The following PCDHA1 variants were observed in gnomAD, a reference collection of about 807,000 sequenced individuals.
PCDHA1 encodes protocadherin alpha-1.
PCDHA1 carries 42 observed loss-of-function variants against 61.3 expected under a neutral mutation model. The ratio of observed to expected loss-of-function variants is 0.69; its 90% CI spans 0.54 to 0.89. PCDHA1 has a LOEUF of 0.89. Ranked by LOEUF, PCDHA1 falls within the 40% of genes least tolerant of loss-of-function variation. The probability of loss-of-function intolerance (pLI) is 0.00; values close to 1 mark genes in which losing one functional copy is unlikely to be tolerated. For synonymous variants in PCDHA1, 610 were observed against 553.8 expected (o/e 1.10, Z -1.43); for missense variants, 1,256 against 1,235.3 (o/e 1.02, Z -0.25).
At chr5:140,989,928 A>T (rs2097366853) in intron 3 of PCDHA1, among the ~76,000 whole-genome samples, 1 of 152,032 alleles carries the variant, frequency 6.6e-6, no homozygotes, top group African/African-American at 2.4e-5. Context: ...GCAGAGATAG[A>T]TGACATTCCA....
chr5:140,868,974 C>T (rs2050775096), intron 1 of PCDHA1: 4 of 1,471,768 alleles, frequency 2.7e-6, no homozygotes, highest in South Asian at 1.4e-5. Flanking sequence ...GGAACTCCAT[C>T]ATACCGGATG....
chr5:140,871,343 G>A (rs782701070), intron 1 of PCDHA1: 3 of 1,614,194 alleles, frequency 1.9e-6, no homozygotes, highest in East Asian at 2.2e-5. Context: ...GTGGGGAGCT[G>A]GTCATACTCG....
chr5:140,875,989 A>G (rs782628581), intron 1 of PCDHA1: 1 of 1,613,992 alleles, frequency 6.2e-7, no homozygotes, highest in South Asian at 1.1e-5. Flanking sequence ...CTATGCGTTA[A>G]GTCTAAATGA....
chr5:140,980,810 GA>G (rs1410107766), intron 2 of PCDHA1, among the ~76,000 whole-genome samples: 5 of 152,024 alleles, frequency 3.3e-5, no homozygotes, highest in Non-Finnish European at 7.4e-5. Context: ...GTAATACATT[GA>G]ACATATTAAA....
At chr5:140,802,262 A>G (rs782016322) in intron 1 of PCDHA1, 1 of 1,614,236 alleles carries the variant, frequency 6.2e-7, no homozygotes, top group Non-Finnish European at 8.5e-7. Context: ...TTCAATCACT[A>G]TCTTTACCTG....
intron 1 of PCDHA1, among the ~76,000 whole-genome samples, chr5:140,948,767 T>G (rs1266601836): frequency 6.6e-6 from 1 of 151,640 alleles, no homozygotes; most frequent in Non-Finnish European, 1.5e-5. Context: ...TTTTTTCGAA[T>G]AGCCAGCTTT....
At chr5:140,863,176 A>G (rs199525571) in intron 1 of PCDHA1, 25 of 723,868 alleles carry the variant, frequency 3.5e-5, no homozygotes, top group South Asian at 2.0e-4. Flanking sequence ...GCTGACTGCC[A>G]CCGTCACCGT....
At position 140,928,683 on chromosome 5, in the gene PCDHA1, C is replaced by T. The variant is rs868920923; in HGVS notation, c.2395-50266C>T. ...ACAGTGGTTCTAATGCCTGGCTTTC[C>T]TACCACATCTCCCGGGCGTCTGACT... On this transcript the variant is annotated intron_variant, in intron 1 of 3. Transcript: ENST00000504120. 3.7e-6 allele frequency: 6 copies of T among 1,614,172 alleles called. No individual in the cohort carries two copies. In the Middle Eastern group the frequency reaches 6.6e-4, roughly 178 times the overall value.
At chr5:140,937,736 C>T (rs778178538) in intron 1 of PCDHA1, among the ~76,000 whole-genome samples, 84 of 151,896 alleles carry the variant, frequency 5.5e-4, no homozygotes, top group Non-Finnish European at 1.1e-3. Context: ...CACGGTGAAA[C>T]CCCGTCTCTA....
rs147962839 is a variant in PCDHA1 at position 140,828,760 on chromosome 5, A to T, written c.2394+40076A>T. ...CAGATGGGGGCAAACCTGAGCTCAC[A>T]GGCACTGTTCAGCTGCTGGTCACAG... On this transcript the variant is annotated intron_variant, in intron 1 of 3. Coordinates refer to ENST00000504120, the MANE Select transcript of PCDHA1 (RefSeq NM_018900.4). The T allele has an allele frequency of 5.1e-5, 83 of 1,614,194 alleles. No homozygotes were observed. The African/African-American group carries it at 7.9e-4, about 15-fold the overall frequency.
At chr5:140,912,511 T>C (rs2075947919) in intron 1 of PCDHA1, among the ~76,000 whole-genome samples, 1 of 152,158 alleles carries the variant, frequency 6.6e-6, no homozygotes, top group Non-Finnish European at 1.5e-5. Context: ...TGGATGAATC[T>C]TTAGGGTTTT....
intron 1 of PCDHA1, chr5:140,850,503 G>A (rs2041643123): frequency 6.3e-7 from 1 of 1,598,176 alleles, no homozygotes; most frequent in South Asian, 1.1e-5. Flanking sequence ...GGTGTCGCTG[G>A]TGGAGAGCGG....
At position 140,795,912 on chromosome 5, in the gene PCDHA1, C is replaced by G. The variant is rs138543529; in HGVS notation, c.2394+7228C>G. Reference sequence around the variant, plus strand: ...TAGATTATGAAGAAGCAAAGTCCTACGAGATTCAGGTCACTGCAACTGACA... The same window carrying G: ...TAGATTATGAAGAAGCAAAGTCCTAGGAGATTCAGGTCACTGCAACTGACA... On this transcript the variant is annotated intron_variant, in intron 1 of 3. Transcript: ENST00000504120. 294 of 1,613,672 alleles carry G rather than the reference C, an allele frequency of 1.8e-4. 1 individual carries two copies. The highest frequency in any genetic ancestry group is 2.5e-4 in the Non-Finnish European group (290 of 1,179,774).
intron 1 of PCDHA1, among the ~76,000 whole-genome samples, chr5:140,820,606 G>T (rs2150107398): frequency 6.6e-6 from 1 of 151,906 alleles, no homozygotes; most frequent in Non-Finnish European, 1.5e-5. Context: ...TTTCTAGGTC[G>T]TGTTCAAATC....
At chr5:140,998,903 G>C (rs1465203456) in intron 3 of PCDHA1, among the ~76,000 whole-genome samples, 1 of 152,156 alleles carries the variant, frequency 6.6e-6, no homozygotes, top group East Asian at 1.9e-4. Context: ...CAATGCCTCC[G>C]GGAGGTAGCT....
At position 140,876,973 on chromosome 5, in the gene PCDHA1, G is replaced by A. The variant is rs2056750069; in HGVS notation, c.2394+88289G>A. ...CTCGCTGGTGGAGCGGCGGGTGGGC[G>A]AGCACGCACTGTCGAGCTACGTGTC... is the stretch of plus-strand genomic sequence containing the variant. On this transcript the variant is annotated intron_variant, in intron 1 of 3. Transcript: ENST00000504120. 3 of 1,612,624 alleles carry A rather than the reference G, an allele frequency of 1.9e-6. No individual in the cohort carries two copies. The South Asian group carries it at 3.3e-5, about 18-fold the overall frequency.
intron 1 of PCDHA1, among the ~76,000 whole-genome samples, chr5:140,925,941 GAGA>G (rs1554203013): frequency 7.2e-6 from 1 of 138,610 alleles, no homozygotes; most frequent in East Asian, 1.9e-4. Flanking sequence ...GAGCCTCTTG[GAGA>G]AGGAGAAACT....
chr5:140,786,782 T>C lies in PCDHA1; in HGVS notation c.492T>C (p.Ala164=). Residue 164 remains alanine, a synonymous_variant, in exon 1 of 4, where the codon GCT becomes GCC. Transcript: ENST00000504120. ...GAGCTGCTGATGCAGACATTGGTGC[T>C]AACGCTCTTCTAACGTACACGCTCA... The part of the protein sequence containing the change: ...IEGAADADIG[A]NALLTYTLSP... The C allele has an allele frequency of 1.2e-6, 2 of 1,614,246 alleles. No individual in the cohort carries two copies. The highest frequency in any genetic ancestry group is 2.2e-5 in the East Asian group (1 of 44,894).
chr5:140,847,254 G>T (rs1219125323), intron 1 of PCDHA1, among the ~76,000 whole-genome samples: 1 of 149,748 alleles, frequency 6.7e-6, no homozygotes, highest in Non-Finnish European at 1.5e-5. Flanking sequence ...AATAAATCAC[G>T]ACTTTTGAAA....
Sources: gnomAD v4.1 joint callset for allele counts (sites outside exome capture counted in the v4.1 genomes callset) on GRCh38, gnomAD v4.1.1 for gene constraint, MANE v1.5 for transcripts, NCBI Gene and HGNC (gene_info 2026-07-23, HGNC 2026-07-21) for gene names.